The following FMN2 variants were observed in gnomAD, a reference collection of about 807,000 sequenced individuals.
FMN2 encodes formin-2.
In FMN2, 51 loss-of-function variants were observed where a neutral mutation model predicts 142.3. That is an observed-to-expected ratio of 0.36 (90% CI 0.29 to 0.45). The LOEUF is 0.45. Ranked by LOEUF, FMN2 falls within the 20% of genes least tolerant of loss-of-function variation. FMN2 has a pLI of 1.00. For missense variants in FMN2, 1,936 were observed against 2,122.8 expected (o/e 0.91, Z 1.73); for synonymous variants, 882 against 869.8 (o/e 1.01, Z -0.25).
intron 6 of FMN2, among the ~76,000 whole-genome samples, chr1:240,211,861 T>A (rs191199201): frequency 6.6e-6 from 1 of 152,206 alleles, no homozygotes; most frequent in Admixed American, 6.5e-5. Context: ...GATATATCCA[T>A]TGGACTTGTC....
At chr1:240,334,049 T>C (rs913434269) in intron 12 of FMN2, 60 bp from the exon 13 acceptor site, 1 of 1,570,710 alleles carries the variant, frequency 6.4e-7, no homozygotes, top group African/African-American at 1.4e-5. Flanking sequence ...TACCTGCTAT[T>C]ATTCTTTTTT....
At position 240,460,327 on chromosome 1, in the gene FMN2, C is replaced by T. The variant is rs888840586; in HGVS notation, c.5061-12045C>T. ...TGATTGTAGGCCAAGCGTGCTGGCT[C>T]GTGCCTGTAACACCAGCACTTTGAG... On this transcript the variant is annotated intron_variant, in intron 16 of 17. Coordinates refer to ENST00000319653, the MANE Select transcript of FMN2 (RefSeq NM_020066.5). Among the ~76,000 whole-genome samples the T allele has an allele frequency of 5.3e-5, 8 of 152,294 alleles. No individual in the cohort carries two copies. In the East Asian group the frequency reaches 5.8e-4, roughly 11 times the overall value.
chr1:240,408,673 G>A (rs1293995666), intron 15 of FMN2, among the ~76,000 whole-genome samples: 1 of 151,956 alleles, frequency 6.6e-6, no homozygotes, highest in African/African-American at 2.4e-5. Flanking sequence ...ATTAAAGTAT[G>A]GATGCATTAA....
intron 4 of FMN2, among the ~76,000 whole-genome samples, chr1:240,191,759 T>C (rs1399276236): frequency 6.6e-6 from 1 of 152,218 alleles, no homozygotes; most frequent in African/African-American, 2.4e-5. Flanking sequence ...GCTTTTGAAA[T>C]TATATATACA....
Position 240,178,053 on chromosome 1 carries a change from G to C in FMN2, c.1915G>C (p.Glu639Gln). The change falls in exon 3 of 18, where the codon GAG (glutamate) becomes CAG (glutamine). Residue 639 changes from glutamate to glutamine, a missense_variant. By Grantham distance (29) the Glu-to-Gln change is conservative. Coordinates refer to ENST00000319653, the MANE Select transcript of FMN2 (RefSeq NM_020066.5). ...ACCTCCCGATGAGGAACACAGGCTC[G>C]AGGATGCTGAAACAGGTAACCCTTT... is the stretch of plus-strand genomic sequence containing the variant. ...SKPPDEEHRL[E>Q]DAETESQSAV... The C allele has an allele frequency of 6.2e-7, 1 of 1,601,118 alleles. No homozygotes were observed.
Position 240,434,954 on chromosome 1 carries a change from C to T in FMN2, c.4911-3107C>T, listed in dbSNP as rs185681019. 3.7e-4 allele frequency among the ~76,000 whole-genome samples: 57 copies of T among 152,042 alleles called. 1 individual carries two copies. In the East Asian group the frequency reaches 8.9e-3, roughly 24 times the overall value. ...TCAGATAATTCTTCTGGACACTCTA[C>T]GTCACATACTCAAGTACACTTATTC... On this transcript the variant is annotated intron_variant, in intron 15 of 17. Coordinates refer to ENST00000319653, the MANE Select transcript of FMN2 (RefSeq NM_020066.5).
chr1:240,226,183 A>T (rs1252108047), intron 6 of FMN2, among the ~76,000 whole-genome samples: 1 of 152,220 alleles, frequency 6.6e-6, no homozygotes, highest in Non-Finnish European at 1.5e-5. Context: ...TAATACACAC[A>T]TCCAAGAAGT....
chr1:240,128,862 T>G (rs1162740955), intron 2 of FMN2, among the ~76,000 whole-genome samples: 1 of 152,118 alleles, frequency 6.6e-6, no homozygotes, highest in Non-Finnish European at 1.5e-5. Flanking sequence ...AATTATTATG[T>G]GCATTTGAAT....
chr1:240,420,877 C>A (rs886687952), intron 15 of FMN2, among the ~76,000 whole-genome samples: 1 of 152,120 alleles, frequency 6.6e-6, no homozygotes, highest in African/African-American at 2.4e-5. Flanking sequence ...CTACAAAAAG[C>A]AAGTGCCAAG....
chr1:240,347,939 C>T (rs1305024751), intron 13 of FMN2, among the ~76,000 whole-genome samples: 1 of 152,160 alleles, frequency 6.6e-6, no homozygotes, highest in Non-Finnish European at 1.5e-5. Context: ...ATTCATTCCA[C>T]TGTTGATGGG....
At chr1:240,188,321 G>C in intron 4 of FMN2, 59 bp downstream of exon 4, 2 of 1,563,004 alleles carry the variant, frequency 1.3e-6, no homozygotes, top group Non-Finnish European at 1.8e-6. Context: ...TTAAGATTGT[G>C]ACAGACTCTG....
chr1:240,266,540 A>T (rs955605497), intron 7 of FMN2, among the ~76,000 whole-genome samples: 3 of 151,930 alleles, frequency 2.0e-5, no homozygotes, highest in Admixed American at 2.0e-4. Flanking sequence ...AAAGGACATG[A>T]TTTTGTTTGT....
chr1:240,344,113 A>G (rs944824264), intron 13 of FMN2, among the ~76,000 whole-genome samples: 1 of 152,232 alleles, frequency 6.6e-6, no homozygotes. Context: ...ATGGAGTGAC[A>G]TGATTTATGT....
At chr1:240,240,531 G>A (rs1011213186) in intron 6 of FMN2, among the ~76,000 whole-genome samples, 5 of 152,204 alleles carry the variant, frequency 3.3e-5, no homozygotes, top group African/African-American at 1.2e-4. Flanking sequence ...TCTCATTGAG[G>A]TAACGAAGTA....
chr1:240,185,104 T>C (rs1475759936), intron 3 of FMN2, among the ~76,000 whole-genome samples: 7 of 135,422 alleles, frequency 5.2e-5, no homozygotes, highest in African/African-American at 2.1e-4. Context: ...CTTCTCTTTC[T>C]CCCTCCTATA....
chr1:240,264,374 T>C (rs1208138836), intron 7 of FMN2, among the ~76,000 whole-genome samples: 1 of 152,138 alleles, frequency 6.6e-6, no homozygotes, highest in Non-Finnish European at 1.5e-5. Flanking sequence ...TTTAAATTTG[T>C]TTATTTATTT....
intron 6 of FMN2, among the ~76,000 whole-genome samples, chr1:240,240,312 G>A (rs1667850664): frequency 6.6e-6 from 1 of 152,028 alleles, no homozygotes; most frequent in African/African-American, 2.4e-5. Context: ...GGACCGTAGT[G>A]GTACCTGTTT....
intron 13 of FMN2, among the ~76,000 whole-genome samples, chr1:240,350,018 A>G (rs1672037254): frequency 6.6e-6 from 1 of 151,906 alleles, no homozygotes; most frequent in Admixed American, 6.6e-5. Flanking sequence ...AGCCAAGATG[A>G]TATGTTGTGC....
At position 240,093,002 on chromosome 1, in the gene FMN2, G is replaced by A. The variant is rs556876873; in HGVS notation, c.893G>A (p.Gly298Asp). 4.6e-4 allele frequency: 650 copies of A among 1,399,476 alleles called. 3 individuals are homozygous for A. The East Asian group carries it at 0.01, about 22-fold the overall frequency. 86.7% of individuals were successfully genotyped at this position (1,399,476 alleles called of 1,614,324 possible). Reference sequence around the variant, plus strand: ...CCCCAGCAACCGCCGTCCCCCGGCGGCCTCCCGGTCTCCGAGGCGCCCAGT... The same window carrying A: ...CCCCAGCAACCGCCGTCCCCCGGCGACCTCCCGGTCTCCGAGGCGCCCAGT... ...REPQQPPSPG[G>D]LPVSEAPSLP... Residue 298 changes from glycine to aspartate, a missense_variant, in exon 1 of 18, where the codon GGC becomes GAC. This residue lies in a region of FMN2 where 751 missense variants were observed against 791.8 expected (regional missense o/e 0.95). Transcript: ENST00000319653.
Sources: allele counts gnomAD v4.1 joint callset (sites outside exome capture counted in the v4.1 genomes callset), GRCh38; gene constraint gnomAD v4.1.1; regional missense constraint gnomAD v4.1.1; transcripts MANE v1.5; gene names NCBI Gene and HGNC (gene_info 2026-07-23, HGNC 2026-07-21).